TEX14: variants seen among roughly 807,000 people sequenced by gnomAD.
TEX14 encodes inactive serine/threonine-protein kinase TEX14.
TEX14 carries 168 observed loss-of-function variants against 178.6 expected under a neutral mutation model. That is an observed-to-expected ratio of 0.94 (90% CI 0.83 to 1.07). The LOEUF (loss-of-function observed/expected upper bound fraction) is 1.07. Among genes scored for constraint, TEX14 ranks in the 50% least tolerant of loss-of-function variants. The probability of loss-of-function intolerance (pLI) is 0.00; values close to 1 mark genes in which losing one functional copy is unlikely to be tolerated. For synonymous variants in TEX14, 626 were observed against 634.1 expected (o/e 0.99, Z 0.19); for missense variants, 1,730 against 1,753.6 (o/e 0.99, Z 0.24).
In TEX14 at chr17:58,645,393, C is replaced by G. The variant is rs188593708; in HGVS notation, c.136+6473G>C. Among the ~76,000 whole-genome samples, 868 of 151,786 alleles carry G rather than the reference C, an allele frequency of 5.7e-3. 5 individuals are homozygous for G. The highest frequency in any genetic ancestry group is 9.2e-3 in the African/African-American group (382 of 41,406). ...TTTTTTTTTGAGACGGAGTCTCACT[C>G]TGCTGCCCAGGCTGGAGTGCAGTGG... On this transcript the variant is annotated intron_variant, in intron 2 of 31. Transcript: ENST00000349033.
intron 17 of TEX14, among the ~76,000 whole-genome samples, chr17:58,587,251 T>A (rs1214715555): frequency 3.3e-5 from 5 of 152,204 alleles, no homozygotes; most frequent in Admixed American, 2.6e-4. Flanking sequence ...GTAGTTTGCT[T>A]AAAGTCATTG....
At chr17:58,590,847 G>A (rs548654240) in intron 15 of TEX14, among the ~76,000 whole-genome samples, 66 of 151,838 alleles carry the variant, frequency 4.3e-4, no homozygotes, top group African/African-American at 1.1e-3. Flanking sequence ...GAGCCACCTT[G>A]CCCAGCCCAA....
At chr17:58,591,768 CAT>C (rs1459242159) in intron 15 of TEX14, among the ~76,000 whole-genome samples, 2 of 149,424 alleles carry the variant, frequency 1.3e-5, no homozygotes, top group East Asian at 2.0e-4. Context: ...TCGTGAAAAA[CAT>C]ATATTGGCTG....
chr17:58,579,743 C>G lies in TEX14; in HGVS notation c.3172-12G>C, dbSNP rs1567716783. 2 of 1,610,900 alleles carry G rather than the reference C, an allele frequency of 1.2e-6. No homozygotes were observed. The highest frequency in any genetic ancestry group is 1.1e-5 in the South Asian group (1 of 90,602). ...ATGGGACTCGAGGTCTAAAAAAGAA[C>G]AAAAGAAAAGCAAAGAAAGGAGGTT... On this transcript the variant is annotated splice_polypyrimidine_tract_variant and intron_variant, in intron 19 of 31. Coordinates refer to ENST00000349033, the MANE Select transcript of TEX14 (RefSeq NM_031272.5).
intron 15 of TEX14, 38 bp from the exon 16 acceptor site, chr17:58,588,059 A>G (rs2045025823): frequency 1.3e-6 from 1 of 798,392 alleles, no homozygotes; most frequent in Non-Finnish European, 2.2e-6. Context: ...GATCTCTAAG[A>G]GTATTTTTAG....
chr17:58,593,581 T>C lies in TEX14; in HGVS notation c.2550A>G (p.Glu850=), dbSNP rs772657059. 2.2e-5 allele frequency: 36 copies of C among 1,613,994 alleles called. No individual in the cohort carries two copies. The Middle Eastern group carries it at 8.2e-4, about 37-fold the overall frequency. Residue 850 remains glutamate (E), a synonymous_variant, in exon 15 of 32, where the codon GAA becomes GAG. Coordinates refer to ENST00000349033, the MANE Select transcript of TEX14 (RefSeq NM_031272.5). ...TACTGGTATTTTGGATCCTGCTTGT[T>C]TCCAAACTGTCCTTGGCTCCTTGAG... The part of the protein sequence containing the change: ...QCTQGAKDSL[E]TSRIQNTSSQ...
intron 2 of TEX14, among the ~76,000 whole-genome samples, chr17:58,635,203 A>G (rs552530999): frequency 6.6e-6 from 1 of 152,264 alleles, no homozygotes; most frequent in South Asian, 2.1e-4. Context: ...GTAATAAACC[A>G]TCATTCATCT....
At chr17:58,609,058 C>T (rs1015099016) in intron 10 of TEX14, among the ~76,000 whole-genome samples, 4 of 152,222 alleles carry the variant, frequency 2.6e-5, no homozygotes, top group African/African-American at 9.6e-5. Context: ...TATCTGGCCT[C>T]TGCCTGTTCC....
intron 11 of TEX14, among the ~76,000 whole-genome samples, chr17:58,603,867 C>G (rs1235427834): frequency 7.5e-6 from 1 of 133,200 alleles, no homozygotes; most frequent in Admixed American, 7.6e-5. Context: ...AAAAAAAAAG[C>G]AGCCCTTAAT....
intron 19 of TEX14, among the ~76,000 whole-genome samples, chr17:58,581,319 A>T (rs1017674501): frequency 3.4e-5 from 5 of 146,734 alleles, no homozygotes; most frequent in African/African-American, 1.2e-4. Context: ...TCAAAAATTA[A>T]AAAAAAAAAA....
chr17:58,581,463 G>A, intron 19 of TEX14: 2 of 833,818 alleles, frequency 2.4e-6, no homozygotes, highest in South Asian at 3.2e-5. Flanking sequence ...GAATGCATGG[G>A]TTCATATCAC....
intron 26 of TEX14, 94 bp from the exon 27 acceptor site, chr17:58,565,918 C>T (rs938957259): frequency 5.7e-5 from 55 of 956,940 alleles, no homozygotes; most frequent in Non-Finnish European, 8.0e-5. Context: ...GATCCTTAGA[C>T]TTGCAGCATT....
chr17:58,661,518 C>T (rs747419488), intron 1 of TEX14: 1 of 779,976 alleles, frequency 1.3e-6, no homozygotes, highest in South Asian at 1.3e-5. Context: ...GCTCCTTCGA[C>T]TTCGTCCAGA....
chr17:58,636,096 C>A (rs925946621), intron 2 of TEX14, among the ~76,000 whole-genome samples: 3 of 152,166 alleles, frequency 2.0e-5, no homozygotes, highest in African/African-American at 7.2e-5. Flanking sequence ...AGCAACAAAT[C>A]TTGAGGGGAT....
intron 9 of TEX14, 112 bp downstream of exon 9, chr17:58,613,309 A>G: frequency 7.5e-7 from 1 of 1,329,994 alleles, no homozygotes; most frequent in Admixed American, 1.9e-5. Context: ...AAGAATAAAG[A>G]TATTTATCTT....
rs543213433 is a variant in TEX14, at chr17:58,599,770, AAG to A, written c.1679-106_1679-105del. The A allele has an allele frequency of 4.8e-3, 4,599 of 954,736 alleles. 14 individuals are homozygous for A. The highest frequency in any genetic ancestry group is 7.9e-3 in the African/African-American group (474 of 60,254). The allele number at this position is 954,736 out of a possible 1,614,324, so 59.1% of individuals were successfully genotyped here. On this transcript the variant is annotated intron_variant, in intron 13 of 31. Transcript: ENST00000349033. ...GCAAAGACTGTCAAAAAAAAAAAAAAAGTTTTTTATTTTCCCACCCCCTTCCC... is the reference window on the plus strand; with the variant it reads ...GCAAAGACTGTCAAAAAAAAAAAAAATTTTTTATTTTCCCACCCCCTTCCC...
chr17:58,631,497 ACT>A (rs1298694891), intron 2 of TEX14: 1 of 151,990 alleles, frequency 6.6e-6, no homozygotes, highest in East Asian at 1.9e-4. Flanking sequence ...CACAAAAAGC[ACT>A]CTGCACAATC....
chr17:58,587,843 A>ACCCCC, intron 16 of TEX14, 53 bp downstream of exon 16: 1 of 1,118,850 alleles, frequency 8.9e-7, no homozygotes, highest in Non-Finnish European at 1.4e-6. Context: ...GGGTGCCAGA[A>ACCCCC]CCCACCCCCA....
intron 10 of TEX14, among the ~76,000 whole-genome samples, chr17:58,609,811 G>T (rs2045702543): frequency 6.6e-6 from 1 of 152,186 alleles, no homozygotes; most frequent in Non-Finnish European, 1.5e-5. Context: ...CTGGGCATTT[G>T]AGATATAGCA....
Sources: gnomAD v4.1 joint callset for allele counts (sites outside exome capture counted in the v4.1 genomes callset) on GRCh38, gnomAD v4.1.1 for gene constraint, MANE v1.5 for transcripts, NCBI Gene and HGNC (gene_info 2026-07-23, HGNC 2026-07-21) for gene names.